The following CYB5R3 variants were observed in gnomAD, a reference collection of about 807,000 sequenced individuals.
CYB5R3 encodes the protein cytochrome b5 reductase 3, also known as NADH-cytochrome b5 reductase 3.
In CYB5R3, 28 loss-of-function variants were observed where a neutral mutation model predicts 36.5. The observed-to-expected ratio is 0.77, with a 90% confidence interval of 0.57 to 1.05. The LOEUF is 1.05. CYB5R3 is among the 50% of genes least tolerant of loss of function. The pLI is 0.00. For missense variants in CYB5R3, 474 were observed against 408.9 expected (o/e 1.16, Z -1.37); for synonymous variants, 181 against 159.8 (o/e 1.13, Z -1.00).
intron 1 of CYB5R3, among the ~76,000 whole-genome samples, chr22:42,638,728 T>TCA (rs1569324852): frequency 2.1e-5 from 1 of 47,488 alleles, no homozygotes; most frequent in East Asian, 5.1e-4. Context: ...CAAGACTCCA[T>TCA]AAAAAAAAAA....
At chr22:42,644,545 G>C (rs1929447006) in intron 1 of CYB5R3, 2 of 1,493,798 alleles carry the variant, frequency 1.3e-6, no homozygotes, top group Non-Finnish European at 1.8e-6. Flanking sequence ...AATCTTCCCT[G>C]ATGAGCCCTT....
chr22:42,621,014 C>T (rs1927934607), intron 8 of CYB5R3, among the ~76,000 whole-genome samples: 1 of 152,204 alleles, frequency 6.6e-6, no homozygotes, highest in African/African-American at 2.4e-5. Context: ...TGTAAGCCTC[C>T]TAAAATCCCT....
rs555983585 is a variant in CYB5R3 at position 42,639,194 on chromosome 22, G to A, written c.22-2348C>T. ...AAAATACAAAAATTAGCTGGGTGTGGTGGCAGGCTACCCCAGCTACTCAGG... is the reference window on the plus strand; with the variant it reads ...AAAATACAAAAATTAGCTGGGTGTGATGGCAGGCTACCCCAGCTACTCAGG... On this transcript the variant is annotated intron_variant, in intron 1 of 8. Transcript: ENST00000352397. 5.0e-4 allele frequency: 152 copies of A among 305,032 alleles called. 1 individual carries two copies. Among genetic ancestry groups the A allele is most frequent in the Non-Finnish European group, 8.3e-4 (128 of 154,634 alleles). 18.9% of individuals were successfully genotyped at this position (305,032 alleles called of 1,614,324 possible). A position where few individuals can be genotyped will look rare whatever the true frequency, so the allele number is the denominator to read the frequency against.
chr22:42,631,042 C>T, intron 3 of CYB5R3, 54 bp from the exon 4 acceptor site: 2 of 1,518,950 alleles, frequency 1.3e-6, no homozygotes, highest in South Asian at 2.3e-5. Context: ...CGGGTGACCC[C>T]TGGGTCTTGT....
At chr22:42,631,953 G>T (rs8190427) in intron 2 of CYB5R3, 1,655 of 163,370 alleles carry the variant, frequency 0.01, 26 homozygotes, top group African/African-American at 0.038. Flanking sequence ...ACTGAGGTGG[G>T]CTTCACAGGG....
chr22:42,627,179 C>T, intron 7 of CYB5R3, 125 bp downstream of exon 7: 1 of 835,966 alleles, frequency 1.2e-6, no homozygotes. Context: ...CATTCAGGGC[C>T]CCCCATCCCG....
At chr22:42,635,929 G>C (rs752157901) in intron 2 of CYB5R3, among the ~76,000 whole-genome samples, 1 of 152,174 alleles carries the variant, frequency 6.6e-6, no homozygotes, top group Non-Finnish European at 1.5e-5. Flanking sequence ...AAAAAAAGGA[G>C]TCAGGCCGGG....
intron 1 of CYB5R3, among the ~76,000 whole-genome samples, chr22:42,642,501 C>T (rs1336319477): frequency 6.6e-6 from 1 of 152,078 alleles, no homozygotes; most frequent in African/African-American, 2.4e-5. Flanking sequence ...TGCAGTGGCA[C>T]GATCTCAGCT....
chr22:42,645,742 C>T (rs1242249597), intron 1 of CYB5R3, among the ~76,000 whole-genome samples: 1 of 152,144 alleles, frequency 6.6e-6, no homozygotes, highest in African/African-American at 2.4e-5. Flanking sequence ...GACTTGAGCC[C>T]GGGGACACTT....
At chr22:42,621,270 A>G (rs1418485899) in intron 8 of CYB5R3, among the ~76,000 whole-genome samples, 1 of 151,938 alleles carries the variant, frequency 6.6e-6, no homozygotes, top group Admixed American at 6.6e-5. Context: ...GGCAGTGGCT[A>G]TTCACAGGTG....
chr22:42,630,761 T>C (rs1928566485), intron 4 of CYB5R3, 121 bp downstream of exon 4: 2 of 849,148 alleles, frequency 2.4e-6, no homozygotes, highest in Non-Finnish European at 3.9e-6. Context: ...GGGGCAGCCA[T>C]GACCGAGGCT....
At chr22:42,621,413 G>T (rs1234381033) in intron 8 of CYB5R3, among the ~76,000 whole-genome samples, 1 of 152,190 alleles carries the variant, frequency 6.6e-6, no homozygotes, top group Non-Finnish European at 1.5e-5. Flanking sequence ...TGTCCTGAAA[G>T]TGGCTCTGTG....
At chr22:42,647,718 C>CAA (rs200767974) in intron 1 of CYB5R3, among the ~76,000 whole-genome samples, 50 of 143,316 alleles carry the variant, frequency 3.5e-4, no homozygotes, top group East Asian at 6.2e-4. Flanking sequence ...GACTCCATCT[C>CAA]AAAAAAAAAA....
chr22:42,635,492 G>C (rs1038999652), intron 2 of CYB5R3, among the ~76,000 whole-genome samples: 3 of 150,972 alleles, frequency 2.0e-5, no homozygotes, highest in Non-Finnish European at 4.4e-5. Context: ...CACCGGCCTC[G>C]GCCTCCCAAA....
intron 8 of CYB5R3, among the ~76,000 whole-genome samples, chr22:42,622,857 T>G (rs937409131): frequency 8.5e-5 from 13 of 152,238 alleles, no homozygotes; most frequent in Admixed American, 8.5e-4. Flanking sequence ...TGGCAGGACA[T>G]GAGACCCCAA....
At chr22:42,640,571 G>C (rs1929207110) in intron 1 of CYB5R3, 1 of 160,146 alleles carries the variant, frequency 6.2e-6, no homozygotes. Context: ...TAGAGACAAT[G>C]TTTCGCCATG....
intron 1 of CYB5R3, chr22:42,640,330 G>A (rs1929184751): frequency 7.1e-7 from 1 of 1,410,734 alleles, no homozygotes; most frequent in Non-Finnish European, 9.6e-7. Context: ...TCACCCCCCG[G>A]AAGGACCCTG....
intron 1 of CYB5R3, among the ~76,000 whole-genome samples, chr22:42,637,531 CGAAGCACTGAGCCAGGCACTGG>C (rs1928960722): frequency 6.6e-6 from 1 of 152,118 alleles, no homozygotes; most frequent in African/African-American, 2.4e-5. Flanking sequence ...TAAGGGGAAG[CGAAGCACTGAGCCAGGCACTGG>C]GAAGGTCACT....
In CYB5R3 at chr22:42,631,360, A is replaced by T. The variant is rs2146884108; in HGVS notation, c.226+18T>A. The T allele has an allele frequency of 6.4e-7, 1 of 1,550,678 alleles. No individual in the cohort carries two copies. The highest frequency in any genetic ancestry group is 1.2e-5 in the South Asian group (1 of 84,042). ...AGCCTGCCGGGCTCCGAATGGGCCC[A>T]GCAGGGGCGTGACTCACCGACAGGG... is the stretch of plus-strand genomic sequence containing the variant. On this transcript the variant is annotated intron_variant, in intron 3 of 8. Coordinates refer to ENST00000352397, the MANE Select transcript of CYB5R3 (RefSeq NM_000398.7).
Sources: allele counts gnomAD v4.1 joint callset (sites outside exome capture counted in the v4.1 genomes callset), GRCh38; gene constraint gnomAD v4.1.1; transcripts MANE v1.5; gene names NCBI Gene and HGNC (gene_info 2026-07-23, HGNC 2026-07-21).